Variants in ZBTB37 observed in about 807,000 individuals in gnomAD.
The protein encoded by ZBTB37 is zinc finger and BTB domain-containing protein 37.
In ZBTB37, 15 loss-of-function variants were observed where a neutral mutation model predicts 37.7. The observed-to-expected ratio is 0.40, with a 90% CI of 0.27 to 0.61. ZBTB37 has a LOEUF of 0.61. Ranked by LOEUF, ZBTB37 falls within the 20% of genes least tolerant of loss-of-function variation. The pLI is 0.44. For synonymous variants in ZBTB37, 231 were observed against 220.6 expected, an observed-to-expected ratio of 1.05 and a Z score of -0.42; for missense variants, 514 against 641.9, an observed-to-expected ratio of 0.80 and a Z score of 2.15.
At chr1:173,868,547 C>T (rs1655184365) in intron 1 of ZBTB37, 142 bp downstream of exon 1, 1 of 153,014 alleles carries the variant, frequency 6.5e-6, no homozygotes, top group Non-Finnish European at 1.5e-5. Context: ...AGGCACCGGG[C>T]GACCTTCCAC....
chr1:173,883,869 A>G (rs199620419), intron 4 of ZBTB37, among the ~76,000 whole-genome samples: 3 of 117,998 alleles, frequency 2.5e-5, no homozygotes, highest in Middle Eastern at 5.1e-3. Context: ...AAGATCTTCT[A>G]TAGTGTCTAT....
At chr1:173,871,533 C>T (rs1655562904) in intron 3 of ZBTB37, among the ~76,000 whole-genome samples, 1 of 152,204 alleles carries the variant, frequency 6.6e-6, no homozygotes, top group Non-Finnish European at 1.5e-5. Context: ...TAGGTGGCCT[C>T]CAGGAGTCTC....
At chr1:173,871,369 A>G (rs1655548654) in intron 3 of ZBTB37, among the ~76,000 whole-genome samples, 1 of 152,254 alleles carries the variant, frequency 6.6e-6, no homozygotes, top group South Asian at 2.1e-4. Context: ...GAACTGTGGT[A>G]AAGTTAGACA....
intron 4 of ZBTB37, among the ~76,000 whole-genome samples, chr1:173,875,036 G>A (rs1158977187): frequency 1.3e-5 from 2 of 151,232 alleles, no homozygotes; most frequent in South Asian, 2.1e-4. Context: ...AGACCTGATA[G>A]TAATAAAAAA....
intron 4 of ZBTB37, among the ~76,000 whole-genome samples, chr1:173,877,891 C>T (rs1044261943): frequency 6.6e-6 from 1 of 152,180 alleles, no homozygotes; most frequent in African/African-American, 2.4e-5. Context: ...GGTGATTAAA[C>T]TGGAACACAC....
intron 3 of ZBTB37, among the ~76,000 whole-genome samples, chr1:173,871,990 C>G (rs2102717992): frequency 6.6e-6 from 1 of 152,328 alleles, no homozygotes; most frequent in South Asian, 2.1e-4. Flanking sequence ...AAAACTATTA[C>G]TTTGGTCTTG....
At chr1:173,895,550 A>G (rs1053573889) in exon 4 of ZBTB37, 4 of 152,176 alleles carry the variant, frequency 2.6e-5, no homozygotes, top group African/African-American at 9.7e-5. Context: ...GGCTACATGG[A>G]TCATATTCTT....
At chr1:173,884,883 A>G (rs747681593) in intron 4 of ZBTB37, among the ~76,000 whole-genome samples, 1 of 152,212 alleles carries the variant, frequency 6.6e-6, no homozygotes. Flanking sequence ...CAAATACTCA[A>G]TAGCAACAGG....
exon 4 of ZBTB37, chr1:173,896,773 A>G (rs1657062202): frequency 6.6e-6 from 1 of 152,204 alleles, no homozygotes. Flanking sequence ...TGAGTTTCCT[A>G]TAAAGTAATA....
At chr1:173,887,198 T>G (rs1201256022), downstream of ZBTB37, 1 of 152,310 alleles carries the variant, frequency 6.6e-6, no homozygotes, top group East Asian at 1.9e-4. Context: ...GTTGAAGAAA[T>G]TCAACACTAT....
exon 4 of ZBTB37, chr1:173,901,971 A>G (rs974188678): frequency 1.3e-5 from 2 of 152,164 alleles, no homozygotes; most frequent in African/African-American, 4.8e-5. Flanking sequence ...GTGCCTTCAC[A>G]CTGGTCACTG....
At chr1:173,869,306 C>T (rs1017979277) in intron 2 of ZBTB37, among the ~76,000 whole-genome samples, 186 bp downstream of exon 2, 1 of 152,108 alleles carries the variant, frequency 6.6e-6, no homozygotes, top group African/African-American at 2.4e-5. Context: ...TCTTCCTGTT[C>T]GGATTTATAC....
chr1:173,882,398 C>T (rs1452485029), intron 4 of ZBTB37, among the ~76,000 whole-genome samples: 6 of 151,712 alleles, frequency 4.0e-5, no homozygotes, highest in African/African-American at 1.2e-4. Context: ...CCCGCCACCA[C>T]GCCCAGCTAA....
rs1656572167 is a variant in ZBTB37, at chr1:173,885,510, T to C, written c.1024-126T>C. ...TATCTTTACTTTTTGGTAATAATTT[T>C]CTGTTTGATCCGCCACTAAAAAGGT... On this transcript the variant is annotated intron_variant, in intron 4 of 4. Coordinates refer to ENST00000427304, the Ensembl canonical transcript of ZBTB37. The C allele has an allele frequency of 5.0e-6, 4 of 796,028 alleles. No individual in the cohort carries two copies. In the African/African-American group the frequency reaches 7.0e-5, roughly 14 times the overall value. 49.3% of individuals were successfully genotyped at this position (796,028 alleles called of 1,614,324 possible).
At chr1:173,902,236 A>G (rs746180340) in exon 4 of ZBTB37, 6 of 152,268 alleles carry the variant, frequency 3.9e-5, no homozygotes, top group Non-Finnish European at 7.3e-5. Context: ...AGGATCAACT[A>G]TGCCCACCTC....
chr1:173,887,016 T>G (rs1186154206), downstream of ZBTB37: 1 of 152,246 alleles, frequency 6.6e-6, no homozygotes, highest in Non-Finnish European at 1.5e-5. Flanking sequence ...TTAGGCTGAC[T>G]ACCAAAGTTT....
exon 4 of ZBTB37, chr1:173,901,972 C>G (rs752849715): frequency 2.6e-5 from 4 of 152,230 alleles, no homozygotes; most frequent in Non-Finnish European, 5.9e-5. Flanking sequence ...TGCCTTCACA[C>G]TGGTCACTGT....
At chr1:173,881,970 C>T (rs1343131702) in intron 4 of ZBTB37, among the ~76,000 whole-genome samples, 4 of 151,442 alleles carry the variant, frequency 2.6e-5, no homozygotes, top group Admixed American at 1.3e-4. Flanking sequence ...AGGAGAATGG[C>T]GTGAACCCGG....
chr1:173,900,857 T>G (rs1383736566), exon 4 of ZBTB37: 1 of 152,210 alleles, frequency 6.6e-6, no homozygotes, highest in Non-Finnish European at 1.5e-5. Flanking sequence ...CCTTTGAGAC[T>G]CCAAAGAGAG....
Sources: allele counts gnomAD v4.1 joint callset (sites outside exome capture counted in the v4.1 genomes callset), GRCh38; gene constraint gnomAD v4.1.1; transcripts MANE v1.5; gene names NCBI Gene and HGNC (gene_info 2026-07-23, HGNC 2026-07-21).